DCDC1: variants seen among roughly 807,000 people sequenced by gnomAD.
DCDC1 encodes the protein doublecortin domain-containing protein 1.
In DCDC1, 200 loss-of-function variants were observed where a neutral mutation model predicts 178.3. The observed-to-expected ratio is 1.12, with a 90% CI of 1.00 to 1.26. The LOEUF is 1.26. Ranked by LOEUF, DCDC1 falls within the 50% of genes most tolerant of loss-of-function variation. The pLI, the probability that DCDC1 is intolerant of heterozygous loss-of-function variation, is 0.00. For missense variants in DCDC1, 1,983 were observed against 1,749.2 expected, an observed-to-expected ratio of 1.13 and a Z score of -2.38; for synonymous variants, 690 against 604.8, an observed-to-expected ratio of 1.14 and a Z score of -2.07.
At chr11:31,213,574 G>C (rs1973120310) in intron 9 of DCDC1, among the ~76,000 whole-genome samples, 2 of 151,818 alleles carry the variant, frequency 1.3e-5, no homozygotes, top group African/African-American at 2.4e-5. Flanking sequence ...ACAAAAATTA[G>C]CCAGGCGTGG....
intron 6 of DCDC1, among the ~76,000 whole-genome samples, chr11:31,291,942 T>G (rs1461470469): frequency 6.6e-6 from 1 of 152,050 alleles, no homozygotes; most frequent in East Asian, 1.9e-4. Context: ...AGCCAGTGGT[T>G]GTAATAACCT....
chr11:31,306,415 T>G, intron 4 of DCDC1, 27 bp from the exon 5 acceptor site: 1 of 1,572,040 alleles, frequency 6.4e-7, no homozygotes, highest in Non-Finnish European at 8.6e-7. Flanking sequence ...ACAGAAAAAT[T>G]GATGCATGCT....
intron 10 of DCDC1, 26 bp from the exon 11 acceptor site, chr11:31,127,665 G>A (rs1478906905): frequency 2.9e-6 from 2 of 698,264 alleles, no homozygotes; most frequent in South Asian, 3.0e-5. Context: ...TACAAGAGTT[G>A]TTAGCGAGAA....
intron 9 of DCDC1, among the ~76,000 whole-genome samples, chr11:31,209,068 C>T (rs186081921): frequency 1.8e-4 from 27 of 152,286 alleles, no homozygotes; most frequent in African/African-American, 5.3e-4. Flanking sequence ...CAAATAAATA[C>T]ATGCCATTGA....
At chr11:31,280,036 A>G (rs1243716211) in intron 7 of DCDC1, among the ~76,000 whole-genome samples, 1 of 152,188 alleles carries the variant, frequency 6.6e-6, no homozygotes, top group Non-Finnish European at 1.5e-5. Flanking sequence ...TTTTAAAAGC[A>G]TATGACCTCA....
chr11:31,000,381 G>C (rs895112859), intron 20 of DCDC1, among the ~76,000 whole-genome samples: 1 of 152,104 alleles, frequency 6.6e-6, no homozygotes, highest in Non-Finnish European at 1.5e-5. Flanking sequence ...TCTTAGAGGA[G>C]GAGGATTCTT....
intron 9 of DCDC1, among the ~76,000 whole-genome samples, chr11:31,154,285 G>A (rs1462516074): frequency 6.6e-6 from 1 of 152,146 alleles, no homozygotes; most frequent in Non-Finnish European, 1.5e-5. Flanking sequence ...GTTCTTTATA[G>A]CAGTATGAGA....
At chr11:31,297,609 T>C (rs192817757) in intron 6 of DCDC1, among the ~76,000 whole-genome samples, 1 of 152,264 alleles carries the variant, frequency 6.6e-6, no homozygotes, top group Admixed American at 6.5e-5. Context: ...CCTCCCAAAG[T>C]GCTGGGATCA....
chr11:30,919,293 T>G (rs1038391159), intron 25 of DCDC1, among the ~76,000 whole-genome samples: 3 of 152,146 alleles, frequency 2.0e-5, no homozygotes, highest in Non-Finnish European at 4.4e-5. Context: ...AATGTTAGAA[T>G]GGGCCTCCTT....
At chr11:31,052,206 T>C (rs899551180) in intron 20 of DCDC1, among the ~76,000 whole-genome samples, 1 of 152,162 alleles carries the variant, frequency 6.6e-6, no homozygotes, top group Non-Finnish European at 1.5e-5. Context: ...TAGCTATTCT[T>C]GTATCAGACA....
At chr11:30,924,290 T>G (rs895013930) in intron 23 of DCDC1, among the ~76,000 whole-genome samples, 2 of 152,154 alleles carry the variant, frequency 1.3e-5, no homozygotes, top group Non-Finnish European at 2.9e-5. Context: ...TAGCAGTCTC[T>G]GAGAACAACA....
intron 20 of DCDC1, among the ~76,000 whole-genome samples, chr11:31,018,935 G>A (rs1227525840): frequency 1.3e-5 from 2 of 152,130 alleles, no homozygotes; most frequent in African/African-American, 4.8e-5. Context: ...GAATAAGGAT[G>A]AGATGGGGGA....
intron 7 of DCDC1, among the ~76,000 whole-genome samples, chr11:31,268,928 T>G (rs968240633): frequency 1.3e-5 from 2 of 152,168 alleles, no homozygotes; most frequent in African/African-American, 4.8e-5. Flanking sequence ...GTTACAACAC[T>G]TTCTAACTCA....
chr11:30,913,232 C>T (rs919708879), intron 27 of DCDC1, among the ~76,000 whole-genome samples: 1 of 151,984 alleles, frequency 6.6e-6, no homozygotes, highest in Non-Finnish European at 1.5e-5. Flanking sequence ...CACGATGAAA[C>T]CCTGTCTCTA....
chr11:31,340,892 A>C (rs901210358), intron 1 of DCDC1, among the ~76,000 whole-genome samples: 1 of 152,132 alleles, frequency 6.6e-6, no homozygotes, highest in South Asian at 2.1e-4. Flanking sequence ...CAGAATGAGT[A>C]GATAGAGAAG....
intron 11 of DCDC1, among the ~76,000 whole-genome samples, chr11:31,125,665 T>A (rs1961501435): frequency 6.6e-6 from 1 of 152,078 alleles, no homozygotes; most frequent in Non-Finnish European, 1.5e-5. Context: ...CTCAGCAAAC[T>A]AACTGAGGAA....
At chr11:31,180,806 G>GTT (rs1184133993) in intron 9 of DCDC1, among the ~76,000 whole-genome samples, 1 of 151,860 alleles carries the variant, frequency 6.6e-6, no homozygotes, top group Admixed American at 6.6e-5. Context: ...AGCTGCAGGA[G>GTT]TTTTTTTGTT....
At chr11:31,360,379 T>G (rs1951645202) in intron 1 of DCDC1, among the ~76,000 whole-genome samples, 1 of 152,284 alleles carries the variant, frequency 6.6e-6, no homozygotes, top group African/African-American at 2.4e-5. Flanking sequence ...CCTCTGCTTA[T>G]CTGCAAGGGA....
In DCDC1 at chr11:31,369,694, T is replaced by G. The variant is rs1952177744; in HGVS notation, c.-125+3A>C. 1 of 152,674 alleles carries G rather than the reference T, an allele frequency of 6.5e-6. No homozygotes were observed. Among genetic ancestry groups the G allele is most frequent in the African/African-American group, 2.4e-5 (1 of 41,446 alleles). The allele number at this position is 152,674 out of a possible 1,614,324, so 9.5% of individuals were successfully genotyped here. On this transcript the variant is annotated splice_donor_region_variant and intron_variant, in intron 1 of 38. Transcript: ENST00000684477. The stretch of plus-strand genomic sequence containing the variant: ...CGCCTTTCTTCACAGTTTGGGAACT[T>G]ACTGGTAGTAAACGCCACTCCATAG...
Sources: allele counts gnomAD v4.1 joint callset (sites outside exome capture counted in the v4.1 genomes callset), GRCh38; gene constraint gnomAD v4.1.1; transcripts MANE v1.5; gene names NCBI Gene and HGNC (gene_info 2026-07-23, HGNC 2026-07-21).